The following FOXN3 variants were observed in gnomAD, a reference collection of about 807,000 sequenced individuals.
FOXN3 encodes the protein forkhead box protein N3.
A neutral mutation model predicts 38.4 loss-of-function variants in FOXN3; 7 were observed. The ratio of observed to expected loss-of-function variants is 0.18; its 90% CI spans 0.10 to 0.34. The LOEUF (loss-of-function observed/expected upper bound fraction) is 0.34. Ranked by LOEUF, FOXN3 falls within the 10% of genes least tolerant of loss-of-function variation. FOXN3 has a pLI of 1.00. For missense variants in FOXN3, 456 were observed against 613.4 expected, an observed-to-expected ratio of 0.74 and a Z score of 2.71; for synonymous variants, 230 against 242.2, an observed-to-expected ratio of 0.95 and a Z score of 0.47.
intron 2 of FOXN3, among the ~76,000 whole-genome samples, chr14:89,368,622 G>C (rs1475872016): frequency 6.6e-6 from 1 of 152,144 alleles, no homozygotes; most frequent in African/African-American, 2.4e-5. Context: ...CTCCGGCTTG[G>C]GTGACAGAGT....
chr14:89,288,718 CTCTCTCTATATA>C (rs1886750842), intron 3 of FOXN3, among the ~76,000 whole-genome samples: 27 of 43,786 alleles, frequency 6.2e-4, no homozygotes, highest in Non-Finnish European at 7.4e-4. Context: ...CTCTCTCTCT[CTCTCTCTATATA>C]TATATATATA....
chr14:89,462,972 T>C (rs143464143), intron 1 of FOXN3, among the ~76,000 whole-genome samples: 4,731 of 149,736 alleles, frequency 0.032, 110 homozygotes, highest in African/African-American at 0.067. Context: ...GTGTGAGCCA[T>C]CGCACCCAGC....
At chr14:89,243,973 T>A (rs1411214644) in intron 4 of FOXN3, among the ~76,000 whole-genome samples, 1 of 152,184 alleles carries the variant, frequency 6.6e-6, no homozygotes, top group Non-Finnish European at 1.5e-5. Context: ...GAAAGCTATC[T>A]TCAGCCCTGG....
Position 89,412,622 on chromosome 14 carries a change from T to A in FOXN3, c.-14-132A>T. 1 of 649,152 alleles carries A rather than the reference T, an allele frequency of 1.5e-6. No homozygotes were observed. The highest frequency in any genetic ancestry group is 2.6e-6 in the Non-Finnish European group (1 of 386,600). The allele number at this position is 649,152 out of a possible 1,614,324, so 40.2% of individuals were successfully genotyped here. On this transcript the variant is annotated intron_variant, in intron 1 of 5. Transcript: ENST00000557258. The surrounding 1 kb of genome is among the most constrained non-coding windows in gnomAD (Gnocchi z 4.7). ...CCTGCTACACAGGAACACCACCTTGTGACTCCCACACTAAGCAACACAATC... is the reference window on the plus strand; with the variant it reads ...CCTGCTACACAGGAACACCACCTTGAGACTCCCACACTAAGCAACACAATC...
chr14:89,206,647 A>G (rs1888393759), intron 4 of FOXN3, among the ~76,000 whole-genome samples: 1 of 152,156 alleles, frequency 6.6e-6, no homozygotes, highest in Non-Finnish European at 1.5e-5. Context: ...GTTCCGTACC[A>G]TGAAAACCAT....
intron 2 of FOXN3, among the ~76,000 whole-genome samples, chr14:89,365,621 T>C (rs1189054906): frequency 6.6e-6 from 1 of 152,166 alleles, no homozygotes; most frequent in Non-Finnish European, 1.5e-5. Context: ...AGGGTTTAAC[T>C]CTTCTTCTCC....
At chr14:89,535,873 A>G (rs956160708) in intron 1 of FOXN3, among the ~76,000 whole-genome samples, 1 of 152,202 alleles carries the variant, frequency 6.6e-6, no homozygotes, top group Non-Finnish European at 1.5e-5. Flanking sequence ...TCTGTTAACA[A>G]TGGGAGGGAG....
chr14:89,456,747 C>T (rs1051809267), intron 1 of FOXN3, among the ~76,000 whole-genome samples: 15 of 152,070 alleles, frequency 9.9e-5, no homozygotes, highest in Non-Finnish European at 1.6e-4. Flanking sequence ...CAGAGTGAAA[C>T]GCTGTCGCAA....
chr14:89,380,579 C>T (rs11159905), intron 2 of FOXN3, among the ~76,000 whole-genome samples: 17,880 of 152,180 alleles, frequency 0.12, 1,396 homozygotes, highest in East Asian at 0.34. Flanking sequence ...CCCGTCTGTG[C>T]GCCCAGCATG....
chr14:89,169,653 GTATTGATCAGAAGGTTAAAGA>G (rs1887337690), intron 5 of FOXN3, among the ~76,000 whole-genome samples: 1 of 152,026 alleles, frequency 6.6e-6, no homozygotes, highest in Non-Finnish European at 1.5e-5. Context: ...CCAGAGCCCT[GTATTGATCAGAAGGTTAAAGA>G]TATTGATTAA....
chr14:89,191,038 C>T (rs1179297207), intron 4 of FOXN3, among the ~76,000 whole-genome samples: 1 of 151,894 alleles, frequency 6.6e-6, no homozygotes, highest in African/African-American at 2.4e-5. Context: ...ATGTTGAGGG[C>T]ACAATGTTTG....
intron 1 of FOXN3, among the ~76,000 whole-genome samples, chr14:89,618,803 T>C (rs2139966027): frequency 1.3e-5 from 2 of 152,098 alleles, no homozygotes; most frequent in Non-Finnish European, 2.9e-5. Context: ...AACTTACTTT[T>C]GAGACAAAAC....
chr14:89,390,268 T>C (rs1890904862), intron 2 of FOXN3, among the ~76,000 whole-genome samples: 1 of 148,450 alleles, frequency 6.7e-6, no homozygotes, highest in African/African-American at 2.5e-5. Flanking sequence ...CAGCCATATG[T>C]TTCAATAGAT....
At chr14:89,462,725 C>G (rs1431806172) in intron 1 of FOXN3, among the ~76,000 whole-genome samples, 3 of 151,112 alleles carry the variant, frequency 2.0e-5, no homozygotes, top group Non-Finnish European at 4.4e-5. Context: ...CGCTCTGTCG[C>G]CCCGGCTTGA....
intron 1 of FOXN3, among the ~76,000 whole-genome samples, chr14:89,465,145 G>A (rs1443658116): frequency 6.6e-6 from 1 of 152,132 alleles, no homozygotes; most frequent in Non-Finnish European, 1.5e-5. Flanking sequence ...AGTTTCCTGA[G>A]GCCTCCCCAG....
intron 3 of FOXN3, among the ~76,000 whole-genome samples, chr14:89,344,246 A>T (rs1427189411): frequency 6.7e-6 from 1 of 149,788 alleles, no homozygotes; most frequent in Non-Finnish European, 1.5e-5. Context: ...TTTAAAGCAA[A>T]AAAAGGGAAA....
intron 1 of FOXN3, among the ~76,000 whole-genome samples, chr14:89,452,316 C>T (rs928206986): frequency 3.3e-5 from 5 of 152,138 alleles, no homozygotes; most frequent in Admixed American, 1.3e-4. Context: ...AGGTATCCAC[C>T]CTTGGTTTGA....
intron 1 of FOXN3, among the ~76,000 whole-genome samples, chr14:89,469,494 C>G (rs1566666853): frequency 6.6e-6 from 1 of 152,204 alleles, no homozygotes; most frequent in Non-Finnish European, 1.5e-5. Context: ...TTCTCTTATT[C>G]CTGTTATCTC....
intron 3 of FOXN3, among the ~76,000 whole-genome samples, chr14:89,333,942 A>G (rs1022185638): frequency 6.8e-6 from 1 of 147,714 alleles, no homozygotes; most frequent in African/African-American, 2.5e-5. Context: ...ACTGACAGAT[A>G]AATTAATGAA....
Sources: gnomAD v4.1 joint callset for allele counts (sites outside exome capture counted in the v4.1 genomes callset) on GRCh38, gnomAD v4.1.1 for gene constraint, Gnocchi (gnomAD v3.1) non-coding constraint, MANE v1.5 for transcripts, NCBI Gene and HGNC (gene_info 2026-07-23, HGNC 2026-07-21) for gene names.